Variants in TCERG1L observed in about 807,000 individuals in gnomAD.
TCERG1L encodes the protein transcription elongation regulator 1 like.
A neutral mutation model predicts 56.3 loss-of-function variants in TCERG1L; 37 were observed. That is an observed-to-expected ratio of 0.66 (90% CI 0.51 to 0.87). The LOEUF is 0.87. Ranked by LOEUF, TCERG1L falls within the 40% of genes least tolerant of loss-of-function variation. The pLI, the probability that TCERG1L is intolerant of heterozygous loss-of-function variation, is 0.00. For synonymous variants in TCERG1L, 324 were observed against 326.3 expected (o/e 0.99, Z 0.08); for missense variants, 799 against 774.2 (o/e 1.03, Z -0.38).
At chr10:131,274,604 G>A (rs1231687561) in intron 3 of TCERG1L, among the ~76,000 whole-genome samples, 2 of 152,122 alleles carry the variant, frequency 1.3e-5, no homozygotes, top group African/African-American at 4.8e-5. Context: ...AACCCCCTTA[G>A]GGCCCAGCTC....
At chr10:131,175,969 A>G (rs1846143528) in intron 4 of TCERG1L, among the ~76,000 whole-genome samples, 2 of 152,220 alleles carry the variant, frequency 1.3e-5, no homozygotes, top group African/African-American at 4.8e-5. Context: ...GCTTAAATCC[A>G]TTTCACAGTA....
intron 7 of TCERG1L, among the ~76,000 whole-genome samples, chr10:131,144,091 T>TAC (rs767809562): frequency 5.3e-5 from 8 of 151,988 alleles, no homozygotes; most frequent in Non-Finnish European, 8.8e-5. Flanking sequence ...CGCTCACACA[T>TAC]ACACACACGC....
intron 3 of TCERG1L, among the ~76,000 whole-genome samples, chr10:131,270,177 T>C (rs1420971146): frequency 6.6e-6 from 1 of 152,128 alleles, no homozygotes. Context: ...GGAAAGATGA[T>C]ATAACGTGGG....
At chr10:131,247,605 G>A (rs1024345145) in intron 4 of TCERG1L, among the ~76,000 whole-genome samples, 3 of 152,174 alleles carry the variant, frequency 2.0e-5, no homozygotes, top group African/African-American at 7.2e-5. Flanking sequence ...AACACATGTG[G>A]TGAAAAGAAC....
At chr10:131,203,631 A>G (rs1490660741) in intron 4 of TCERG1L, among the ~76,000 whole-genome samples, 2 of 152,224 alleles carry the variant, frequency 1.3e-5, no homozygotes, top group East Asian at 3.9e-4. Context: ...TCAGGGACAC[A>G]TCTGCTTCTG....
At chr10:131,282,478 C>G (rs1846470744) in intron 3 of TCERG1L, among the ~76,000 whole-genome samples, 1 of 152,104 alleles carries the variant, frequency 6.6e-6, no homozygotes, top group Non-Finnish European at 1.5e-5. Context: ...GTAACCTCAG[C>G]CATAGCACCA....
At chr10:131,256,992 G>GAAAGATA (rs1846172871) in intron 4 of TCERG1L, among the ~76,000 whole-genome samples, 17 of 59,170 alleles carry the variant, frequency 2.9e-4, no homozygotes, top group Non-Finnish European at 1.1e-4. Context: ...AAGGAAGGAA[G>GAAAGATA]GAAAGAAAGA....
chr10:131,230,030 T>A (rs1182004865), intron 4 of TCERG1L, among the ~76,000 whole-genome samples: 1 of 151,142 alleles, frequency 6.6e-6, no homozygotes, highest in South Asian at 2.1e-4. Flanking sequence ...GAGCAGCAGG[T>A]ATGGGTGCCC....
chr10:131,266,214 C>T (rs910772262), intron 3 of TCERG1L, among the ~76,000 whole-genome samples: 1 of 152,236 alleles, frequency 6.6e-6, no homozygotes, highest in African/African-American at 2.4e-5. Context: ...CTTCAAGCTC[C>T]ACTTCCACTT....
chr10:131,261,294 G>A (rs925574812), intron 3 of TCERG1L, among the ~76,000 whole-genome samples: 2 of 152,228 alleles, frequency 1.3e-5, no homozygotes, highest in Non-Finnish European at 2.9e-5. Context: ...TTATATGGAT[G>A]GTGGAAACTT....
chr10:131,205,286 T>A (rs1398966593), intron 4 of TCERG1L, among the ~76,000 whole-genome samples: 1 of 151,400 alleles, frequency 6.6e-6, no homozygotes, highest in African/African-American at 2.4e-5. Flanking sequence ...ATCAGATGCA[T>A]CCCAACTCTC....
chr10:131,197,448 G>A (rs767916440), intron 4 of TCERG1L, among the ~76,000 whole-genome samples: 8 of 152,068 alleles, frequency 5.3e-5, no homozygotes, highest in Non-Finnish European at 1.2e-4. Flanking sequence ...GCCTCCCAAA[G>A]TGCTGGGATT....
chr10:131,157,070 G>C (rs1845931177), intron 6 of TCERG1L, among the ~76,000 whole-genome samples: 1 of 152,172 alleles, frequency 6.6e-6, no homozygotes, highest in African/African-American at 2.4e-5. Flanking sequence ...ACTAACATCA[G>C]AGGAATGCAC....
At chr10:131,189,679 C>T (rs1226144073) in intron 4 of TCERG1L, among the ~76,000 whole-genome samples, 2 of 151,916 alleles carry the variant, frequency 1.3e-5, no homozygotes, top group Non-Finnish European at 2.9e-5. Flanking sequence ...ATTTCATTTC[C>T]TTTGAGTAAA....
At chr10:131,240,178 G>A (rs1845955036) in intron 4 of TCERG1L, among the ~76,000 whole-genome samples, 1 of 152,160 alleles carries the variant, frequency 6.6e-6, no homozygotes, top group Non-Finnish European at 1.5e-5. Context: ...TGTATTCTGA[G>A]CCTGATGTTG....
intron 7 of TCERG1L, among the ~76,000 whole-genome samples, chr10:131,141,113 C>T (rs1342989099): frequency 1.3e-5 from 2 of 152,188 alleles, no homozygotes; most frequent in Non-Finnish European, 2.9e-5. Flanking sequence ...TAGGCCTGGG[C>T]TCCCAGCTGA....
chr10:131,267,857 G>A lies in TCERG1L; in HGVS notation c.671-7413C>T, dbSNP rs543550539. ...GGGGCTCCAGGGCCTTGCCAGGCCC[G>A]TGCCAGAGTCGAGGGCAAGGGTGAT... On this transcript the variant is annotated intron_variant, in intron 3 of 11. Transcript: ENST00000368642. The surrounding 1 kb of genome is among the most constrained non-coding windows in gnomAD (Gnocchi z 4.9). Among the ~76,000 whole-genome samples the A allele has an allele frequency of 1.4e-4, 21 of 152,340 alleles. No individual in the cohort carries two copies. The highest frequency in any genetic ancestry group is 1.0e-3 in the South Asian group (5 of 4,830).
At chr10:131,123,795 T>A (rs561504057) in intron 8 of TCERG1L, among the ~76,000 whole-genome samples, 1 of 152,180 alleles carries the variant, frequency 6.6e-6, no homozygotes, top group Non-Finnish European at 1.5e-5. Flanking sequence ...GAGCTGCCTC[T>A]GGAGTGCACG....
chr10:131,284,498 A>AG (rs1846498101), intron 3 of TCERG1L, among the ~76,000 whole-genome samples: 1 of 152,104 alleles, frequency 6.6e-6, no homozygotes, highest in South Asian at 2.1e-4. Flanking sequence ...ATTTAGGGGA[A>AG]GAAAAAAAAA....
Sources: gnomAD v4.1 joint callset for allele counts (sites outside exome capture counted in the v4.1 genomes callset) on GRCh38, gnomAD v4.1.1 for gene constraint, Gnocchi (gnomAD v3.1) non-coding constraint, MANE v1.5 for transcripts, NCBI Gene and HGNC (gene_info 2026-07-23, HGNC 2026-07-21) for gene names.